The following ZNF385B variants were observed in gnomAD, a reference collection of about 807,000 sequenced individuals.
The protein encoded by ZNF385B is zinc finger protein 533.
In ZNF385B, 23 loss-of-function variants were observed where a neutral mutation model predicts 39.2. The ratio of observed to expected loss-of-function variants is 0.59; its 90% CI spans 0.42 to 0.83. The LOEUF is 0.83. Ranked by LOEUF, ZNF385B falls within the 40% of genes least tolerant of loss-of-function variation. The probability of loss-of-function intolerance (pLI) is 0.00; values close to 1 mark genes in which losing one functional copy is unlikely to be tolerated. For synonymous variants in ZNF385B, 205 were observed against 222.6 expected (o/e 0.92, Z 0.70); for missense variants, 552 against 598.9 (o/e 0.92, Z 0.82).
intron 1 of ZNF385B, among the ~76,000 whole-genome samples, chr2:179,793,666 T>C (rs1705480570): frequency 6.6e-6 from 1 of 152,234 alleles, no homozygotes; most frequent in Non-Finnish European, 1.5e-5. Flanking sequence ...TTAAACCTCT[T>C]TTCTTTATAA....
chr2:179,845,915 T>C (rs997167965), intron 1 of ZNF385B, among the ~76,000 whole-genome samples: 9 of 152,232 alleles, frequency 5.9e-5, no homozygotes, highest in Non-Finnish European at 1.2e-4. Flanking sequence ...TGTCATGTCA[T>C]GTGGCTAGCA....
chr2:179,814,552 TTA>T (rs1706940373), intron 1 of ZNF385B: 1 of 791,216 alleles, frequency 1.3e-6, no homozygotes, highest in Admixed American at 1.9e-5. Flanking sequence ...AACAACAAGA[TTA>T]ACTGGGCCAT....
intron 6 of ZNF385B, among the ~76,000 whole-genome samples, chr2:179,472,392 A>G (rs892436563): frequency 1.3e-5 from 2 of 152,196 alleles, no homozygotes; most frequent in African/African-American, 4.8e-5. Context: ...GGGAACTAAG[A>G]ACAATGATAT....
chr2:179,558,198 TCTC>T (rs1251618722), intron 3 of ZNF385B, among the ~76,000 whole-genome samples: 2 of 152,124 alleles, frequency 1.3e-5, no homozygotes, highest in Non-Finnish European at 2.9e-5. Flanking sequence ...TCTTTAGGCC[TCTC>T]CTCTGCAGTT....
intron 4 of ZNF385B, among the ~76,000 whole-genome samples, chr2:179,539,150 G>C (rs915249949): frequency 3.3e-5 from 5 of 152,206 alleles, no homozygotes; most frequent in African/African-American, 1.2e-4. Flanking sequence ...GATGCTGGAG[G>C]TCCAAGATCA....
chr2:179,734,272 T>C (rs1245827044), intron 3 of ZNF385B, among the ~76,000 whole-genome samples: 2 of 152,216 alleles, frequency 1.3e-5, no homozygotes, highest in African/African-American at 4.8e-5. Context: ...TGTATACATA[T>C]GCAAGTATAT....
chr2:179,705,221 A>G (rs1275741968), intron 3 of ZNF385B, among the ~76,000 whole-genome samples: 1 of 152,104 alleles, frequency 6.6e-6, no homozygotes. Context: ...CTCAATGAGT[A>G]CCACTCATCT....
chr2:179,705,453 G>C (rs1699520166), intron 3 of ZNF385B, among the ~76,000 whole-genome samples: 1 of 152,132 alleles, frequency 6.6e-6, no homozygotes, highest in African/African-American at 2.4e-5. Flanking sequence ...TATCCTACAT[G>C]ATTTCAACAT....
At chr2:179,727,071 A>G (rs990311626) in intron 3 of ZNF385B, among the ~76,000 whole-genome samples, 2 of 151,994 alleles carry the variant, frequency 1.3e-5, no homozygotes, top group Non-Finnish European at 2.9e-5. Context: ...TGTTTCAGGG[A>G]GCACTCAGAC....
At chr2:179,850,105 G>T (rs1416441521) in intron 1 of ZNF385B, among the ~76,000 whole-genome samples, 1 of 152,250 alleles carries the variant, frequency 6.6e-6, no homozygotes, top group Non-Finnish European at 1.5e-5. Flanking sequence ...GTGCTCAAAA[G>T]CTGGAAAAAT....
intron 3 of ZNF385B, chr2:179,585,923 G>A (rs1022666395): frequency 5.9e-5 from 9 of 152,050 alleles, no homozygotes; most frequent in Non-Finnish European, 7.4e-5. Flanking sequence ...ACACATATAC[G>A]AACAGTTCAC....
intron 6 of ZNF385B, among the ~76,000 whole-genome samples, chr2:179,464,756 T>C (rs1255479127): frequency 2.6e-5 from 4 of 152,204 alleles, no homozygotes; most frequent in Non-Finnish European, 5.9e-5. Flanking sequence ...TGTAGCCTTG[T>C]AGTATAGTTT....
At chr2:179,784,764 T>C (rs940837785) in intron 1 of ZNF385B, among the ~76,000 whole-genome samples, 6 of 152,200 alleles carry the variant, frequency 3.9e-5, no homozygotes, top group African/African-American at 1.2e-4. Context: ...TTCACCAGAA[T>C]GGTTAAAGTA....
At chr2:179,572,702 T>C (rs1049503828) in intron 3 of ZNF385B, among the ~76,000 whole-genome samples, 4 of 151,956 alleles carry the variant, frequency 2.6e-5, no homozygotes, top group Non-Finnish European at 4.4e-5. Context: ...TGGAGGGAAA[T>C]GTCATTTCTA....
intron 3 of ZNF385B, among the ~76,000 whole-genome samples, chr2:179,719,251 GAC>G (rs1405307479): frequency 6.6e-6 from 1 of 152,060 alleles, no homozygotes; most frequent in African/African-American, 2.4e-5. Context: ...TATTTAAGAT[GAC>G]CATTCCTATT....
Position 179,443,063 on chromosome 2 carries a change from G to A in ZNF385B, c.*187C>T, listed in dbSNP as rs1407350041. On this transcript the variant is annotated 3_prime_UTR_variant, in exon 10 of 10. Transcript: ENST00000410066. ...TATGCTGCTGATTCCTCAATTATAG[G>A]AGCAGTCTCTAAAAGCCCTCGTCAA... 2.9e-6 allele frequency: 2 copies of A among 690,140 alleles called. No individual in the cohort carries two copies. The highest frequency in any genetic ancestry group is 2.7e-5 in the East Asian group (1 of 37,154). 42.8% of individuals were successfully genotyped at this position (690,140 alleles called of 1,614,324 possible). A position where few individuals can be genotyped will look rare whatever the true frequency, so the allele number is the denominator to read the frequency against.
rs200271662 is a variant in ZNF385B at position 179,582,080 on chromosome 2, TAGAG to T, written c.299-37115_299-37112del. 6.6e-4 allele frequency among the ~76,000 whole-genome samples: 101 copies of T among 152,266 alleles called. 2 individuals are homozygous for T. In the East Asian group the frequency reaches 0.018, roughly 27 times the overall value. On this transcript the variant is annotated intron_variant, in intron 3 of 9. Transcript: ENST00000410066. ...CCAAGTTTGCTAGCAAATTTAGGCTTAGAGAGATTTTAAAACTTCCTCATAACCA... is the reference window on the plus strand; with the variant it reads ...CCAAGTTTGCTAGCAAATTTAGGCTTAGATTTTAAAACTTCCTCATAACCA...
chr2:179,445,492 G>A, intron 8 of ZNF385B, 58 bp downstream of exon 8: 1 of 1,519,160 alleles, frequency 6.6e-7, no homozygotes, highest in South Asian at 1.3e-5. Context: ...TAGATGAGAA[G>A]ATACACAGTC....
At chr2:179,626,585 T>C (rs182154914) in intron 3 of ZNF385B, among the ~76,000 whole-genome samples, 25 of 152,266 alleles carry the variant, frequency 1.6e-4, no homozygotes, top group African/African-American at 5.8e-4. Flanking sequence ...AAAAATGGGC[T>C]TAACTTATAA....
Sources: gnomAD v4.1 joint callset for allele counts (sites outside exome capture counted in the v4.1 genomes callset) on GRCh38, gnomAD v4.1.1 for gene constraint, MANE v1.5 for transcripts, NCBI Gene and HGNC (gene_info 2026-07-23, HGNC 2026-07-21) for gene names.